Variants in G3BP2 observed in about 807,000 individuals in gnomAD.
G3BP2 encodes the protein G3BP stress granule assembly factor 2, also known as ras GTPase-activating protein-binding protein 2.
G3BP2 carries 11 observed loss-of-function variants against 56.7 expected under a neutral mutation model. The observed-to-expected ratio is 0.19, with a 90% CI of 0.12 to 0.32. The LOEUF (loss-of-function observed/expected upper bound fraction) is 0.32. G3BP2 is among the 10% of genes least tolerant of loss of function. The pLI is 1.00. For synonymous variants in G3BP2, 165 were observed against 191.6 expected (o/e 0.86, Z 1.15); for missense variants, 340 against 610.9 (o/e 0.56, Z 4.67).
At position 75,645,534 on chromosome 4, in the gene G3BP2, G is replaced by T. The variant is rs1353143158; in HGVS notation, c.1345C>A (p.Arg449Ser). 6.2e-7 allele frequency: 1 copy of T among 1,613,570 alleles called. No homozygotes were observed. Among genetic ancestry groups the T allele is most frequent in the African/African-American group, 1.3e-5 (1 of 74,738 alleles). The change falls in exon 12 of 12, where the codon CGT becomes AGT. Residue 449 changes from arginine (R) to serine (S), a missense_variant. By Grantham distance (110) the Arg-to-Ser change is moderately radical (BLOSUM62 -1). This residue lies in a region of G3BP2 where 94 missense variants were observed against 173.8 expected (regional missense o/e 0.54). Coordinates refer to ENST00000359707, the MANE Select transcript of G3BP2 (RefSeq NM_203505.3). Reference protein sequence around the residue: ...GIVGGGMMRDRDGRGPPPRGG... With the variant: ...GIVGGGMMRDSDGRGPPPRGG... ...CTTGGAGGAGGTCCTCTTCCATCAC[G>T]ATCACGCATCATTCCACCACCCACA...
chr4:75,651,430 A>G (rs553729693), intron 8 of G3BP2, among the ~76,000 whole-genome samples: 2 of 152,358 alleles, frequency 1.3e-5, no homozygotes, highest in East Asian at 3.9e-4. Flanking sequence ...AAAAACAGAT[A>G]AAGTTAAATA....
rs1046570398 is a variant in G3BP2 at position 75,719,593 on chromosome 4, T to G, written c.-25+1284A>C. Among the ~76,000 whole-genome samples the G allele has an allele frequency of 3.3e-5, 5 of 152,078 alleles. No individual in the cohort carries two copies. In the South Asian group the frequency reaches 1.0e-3, roughly 32 times the overall value. ...CAACTATTCCAAGTCCTTACCTTGG[T>G]CTCATTTCTTTTTTGAGACGGAGTT... On this transcript the variant is annotated intron_variant, in intron 3 of 3. Transcript: ENST00000499709.
intron 1 of G3BP2, among the ~76,000 whole-genome samples, chr4:75,669,871 T>A (rs924689303): frequency 2.0e-5 from 3 of 151,996 alleles, no homozygotes; most frequent in African/African-American, 7.3e-5. Context: ...GATGGGTGGA[T>A]CACCTGAGGT....
chr4:75,674,716 A>ATT (rs1379462396), upstream of G3BP2, among the ~76,000 whole-genome samples: 9 of 53,056 alleles, frequency 1.7e-4, no homozygotes, highest in African/African-American at 2.7e-4. Context: ...ATATATATAT[A>ATT]TATTTTTTTT....
chr4:75,706,748 A>C (rs112708898), intron 3 of G3BP2, among the ~76,000 whole-genome samples: 1 of 152,130 alleles, frequency 6.6e-6, no homozygotes, highest in African/African-American at 2.4e-5. Context: ...AGATTATATT[A>C]GCTAATATAT....
At chr4:75,651,612 T>C (rs1026270443) in intron 8 of G3BP2, among the ~76,000 whole-genome samples, 1 of 152,218 alleles carries the variant, frequency 6.6e-6, no homozygotes, top group Non-Finnish European at 1.5e-5. Context: ...TACTTATAAT[T>C]CTTCAGGTCT....
At chr4:75,649,766 T>C (rs566216206) in intron 8 of G3BP2, among the ~76,000 whole-genome samples, 78 of 152,320 alleles carry the variant, frequency 5.1e-4, no homozygotes, top group African/African-American at 1.9e-3. Flanking sequence ...TCCCAGCACT[T>C]TGGGAGGCCA....
chr4:75,680,008 G>T (rs1459740924), intron 3 of G3BP2, among the ~76,000 whole-genome samples: 1 of 152,212 alleles, frequency 6.6e-6, no homozygotes. Context: ...GACTATATTT[G>T]TCAGGCAGGA....
At chr4:75,665,737 T>C (rs899177438) in intron 1 of G3BP2, among the ~76,000 whole-genome samples, 1 of 151,944 alleles carries the variant, frequency 6.6e-6, no homozygotes, top group Non-Finnish European at 1.5e-5. Context: ...TAAAGAACAG[T>C]AGACTTACCT....
intron 1 of G3BP2, among the ~76,000 whole-genome samples, chr4:75,666,359 C>A (rs907320956): frequency 6.6e-6 from 1 of 152,128 alleles, no homozygotes; most frequent in East Asian, 1.9e-4. Flanking sequence ...CTGGTAAAAT[C>A]TAAACAGGCA....
At chr4:75,656,620 A>G (rs1485476651) in intron 5 of G3BP2, among the ~76,000 whole-genome samples, 2 of 152,192 alleles carry the variant, frequency 1.3e-5, no homozygotes, top group African/African-American at 4.8e-5. Flanking sequence ...GTAATTCCAC[A>G]TTTATAAAAA....
chr4:75,660,765 C>A (rs1732489470), intron 2 of G3BP2, among the ~76,000 whole-genome samples: 1 of 152,052 alleles, frequency 6.6e-6, no homozygotes, highest in Non-Finnish European at 1.5e-5. Context: ...TATCCTTAAC[C>A]CATCTGGCCA....
In G3BP2 at chr4:75,655,102, CGGA is replaced by C. The variant is rs761280068; in HGVS notation, c.687_689del (p.Pro230del). 4 of 1,613,312 alleles carry C rather than the reference CGGA, an allele frequency of 2.5e-6. No homozygotes were observed. The highest frequency in any genetic ancestry group is 1.7e-4 in the Middle Eastern group (1 of 6,042). ...CTTGTGGCAGAGAAACAGGTTCTGC[CGGA>C]GGAGGAGTAGTAGATTTCTCCTCTA... On this transcript the variant is annotated inframe_deletion, in exon 7 of 12. Coordinates refer to ENST00000359707, the MANE Select transcript of G3BP2 (RefSeq NM_203505.3).
At chr4:75,708,710 C>T (rs1719642514) in intron 3 of G3BP2, among the ~76,000 whole-genome samples, 1 of 152,198 alleles carries the variant, frequency 6.6e-6, no homozygotes. Flanking sequence ...GTGGCTCATG[C>T]CTGTAGTCCC....
intron 3 of G3BP2, among the ~76,000 whole-genome samples, chr4:75,714,192 A>G (rs1464844212): frequency 6.6e-6 from 1 of 152,230 alleles, no homozygotes; most frequent in Non-Finnish European, 1.5e-5. Flanking sequence ...ATCAGTGTTC[A>G]TTTCCTGGTT....
chr4:75,662,921 T>C (rs1157862435), intron 1 of G3BP2, among the ~76,000 whole-genome samples: 1 of 152,252 alleles, frequency 6.6e-6, no homozygotes, highest in East Asian at 1.9e-4. Flanking sequence ...TGTTTTTGTA[T>C]TCTCTTTCCT....
In G3BP2 at chr4:75,643,582, CTCAT is replaced by C. The variant is rs1463224554; in HGVS notation, c.*1844_*1847del. The C allele has an allele frequency of 3.3e-5, 5 of 152,050 alleles. No individual in the cohort carries two copies. Among genetic ancestry groups the C allele is most frequent in the Non-Finnish European group, 5.9e-5 (4 of 67,912 alleles). The allele number at this position is 152,050 out of a possible 1,614,324, so 9.4% of individuals were successfully genotyped here. On this transcript the variant is annotated 3_prime_UTR_variant, in exon 12 of 12. Transcript: ENST00000359707. ...AGACTTTCCCTCAAACATGGAAGACCTCATTCAAAGGGGGAAAAAGGGACAGATT... is the reference window on the plus strand; with the variant it reads ...AGACTTTCCCTCAAACATGGAAGACCTCAAAGGGGGAAAAAGGGACAGATT...
At chr4:75,662,174 T>A (rs1380048615) in intron 1 of G3BP2, 125 bp from the exon 2 acceptor site, 1 of 592,384 alleles carries the variant, frequency 1.7e-6, no homozygotes, top group South Asian at 2.3e-5. Flanking sequence ...GTGACACTAA[T>A]GTTAATAAGT....
chr4:75,693,475 GTTTT>G (rs888394327), intron 3 of G3BP2, among the ~76,000 whole-genome samples: 7 of 150,766 alleles, frequency 4.6e-5, no homozygotes, highest in Admixed American at 2.6e-4. Flanking sequence ...AGGTATCTGA[GTTTT>G]TTTTGTTTTT....
Sources: allele counts gnomAD v4.1 joint callset (sites outside exome capture counted in the v4.1 genomes callset), GRCh38; gene constraint gnomAD v4.1.1; regional missense constraint gnomAD v4.1.1; transcripts MANE v1.5; gene names NCBI Gene and HGNC (gene_info 2026-07-23, HGNC 2026-07-21).